ACAD10: variants seen among roughly 807,000 people sequenced by gnomAD.
The protein encoded by ACAD10 is acyl-CoA dehydrogenase family member 10, also known as ACAD-10.
A neutral mutation model predicts 116.8 loss-of-function variants in ACAD10; 112 were observed. That is an observed-to-expected ratio of 0.96 (90% CI 0.82 to 1.12). The LOEUF is 1.12. ACAD10 is among the 50% of genes most tolerant of loss of function. The probability of loss-of-function intolerance (pLI) is 0.00; values close to 1 mark genes in which losing one functional copy is unlikely to be tolerated. For missense variants in ACAD10, 1,259 were observed against 1,350.2 expected, an observed-to-expected ratio of 0.93 and a Z score of 1.06; for synonymous variants, 486 against 510.6, an observed-to-expected ratio of 0.95 and a Z score of 0.65.
In ACAD10 at chr12:111,692,769, C is replaced by T. The variant is rs1427353550; in HGVS notation, c.60C>T (p.Phe20=). ...PRLQWVWRTA[F]LKHTQRRHQG... ...TCCAGTGGGTGTGGAGAACAGCCTT[C>T]CTGAAACACACCCAGCGCAGGCACC... is the stretch of plus-strand genomic sequence containing the variant. The change falls in exon 2 of 21, where the codon TTC becomes TTT. Residue 20 remains phenylalanine, a synonymous_variant. Transcript: ENST00000313698. 1.2e-6 allele frequency: 2 copies of T among 1,614,060 alleles called. No homozygotes were observed. The highest frequency in any genetic ancestry group is 1.3e-5 in the African/African-American group (1 of 74,932).
intron 8 of ACAD10, among the ~76,000 whole-genome samples, chr12:111,726,290 T>A (rs993444032): frequency 1.3e-5 from 2 of 151,844 alleles, no homozygotes; most frequent in African/African-American, 4.8e-5. Flanking sequence ...TAGTAAACTG[T>A]TTGCTAGTAA....
At chr12:111,716,003 C>A (rs368167631) in intron 7 of ACAD10, 41 bp downstream of exon 7, 3 of 1,612,306 alleles carry the variant, frequency 1.9e-6, no homozygotes, top group Non-Finnish European at 2.5e-6. Context: ...CCACTAGCCT[C>A]CACTGTGCAC....
Position 111,698,483 on chromosome 12 carries a change from C to CT in ACAD10, c.188-3668dup, listed in dbSNP as rs796227879. 9.9e-3 allele frequency among the ~76,000 whole-genome samples: 1,393 copies of CT among 140,038 alleles called. 23 individuals carry two copies. The highest frequency in any genetic ancestry group is 0.034 in the African/African-American group (1,282 of 38,222). 91.9% of individuals were successfully genotyped at this position (140,038 alleles called of 152,430 possible). A position where few individuals can be genotyped will look rare whatever the true frequency, so the allele number is the denominator to read the frequency against. ...CTTTTCTTGTTGATTTTCAGTAAAC[C>CT]TTTTTTTTTTTGAGACAGACTTTTG... On this transcript the variant is annotated intron_variant, in intron 2 of 20. Coordinates refer to ENST00000313698, the MANE Select transcript of ACAD10 (RefSeq NM_025247.6).
intron 8 of ACAD10, 137 bp downstream of exon 8, chr12:111,721,876 C>G: frequency 1.9e-6 from 1 of 534,094 alleles, no homozygotes; most frequent in East Asian, 3.0e-5. Flanking sequence ...CAACCTCTCC[C>G]AGAAGTTCTC....
chr12:111,737,094 G>C (rs978329611), intron 12 of ACAD10, 90 bp downstream of exon 12: 1 of 1,314,888 alleles, frequency 7.6e-7, no homozygotes, highest in Non-Finnish European at 1.0e-6. Flanking sequence ...GGGCCACAGA[G>C]GCTTTGGAGA....
intron 16 of ACAD10, chr12:111,747,740 A>G: frequency 9.1e-7 from 1 of 1,096,596 alleles, no homozygotes. Context: ...GTTACATCCT[A>G]AGGGCTAATG....
chr12:111,695,740 G>A (rs1418593374), intron 2 of ACAD10, among the ~76,000 whole-genome samples: 2 of 152,118 alleles, frequency 1.3e-5, no homozygotes, highest in Admixed American at 1.3e-4. Context: ...TTGGCCAGGT[G>A]CGGTGGCTCA....
intron 18 of ACAD10, chr12:111,753,472 G>C: frequency 1.7e-6 from 1 of 601,358 alleles, no homozygotes; most frequent in Non-Finnish European, 3.1e-6. Flanking sequence ...CTGGTAGCCA[G>C]GCCTGCCCAG....
At chr12:111,710,377 C>T (rs1230140563) in intron 5 of ACAD10, 2 of 407,624 alleles carry the variant, frequency 4.9e-6, no homozygotes, top group Non-Finnish European at 9.9e-6. Flanking sequence ...TGTGAGCCAC[C>T]ATGCCTGGCT....
At chr12:111,724,904 C>T (rs1254411681) in intron 8 of ACAD10, among the ~76,000 whole-genome samples, 6 of 149,766 alleles carry the variant, frequency 4.0e-5, no homozygotes, top group Non-Finnish European at 7.4e-5. Flanking sequence ...AGAGGGAGAC[C>T]GTGGGGAGAG....
At chr12:111,710,604 C>T (rs1888649024) in intron 5 of ACAD10, among the ~76,000 whole-genome samples, 1 of 151,908 alleles carries the variant, frequency 6.6e-6, no homozygotes, top group Middle Eastern at 3.4e-3. Flanking sequence ...AAGCAATTCT[C>T]GTGTGTCAGC....
In ACAD10 at chr12:111,692,806, C is replaced by T. The variant is rs148699934; in HGVS notation, c.97C>T (p.Arg33Ter). 365 of 1,614,190 alleles carry T rather than the reference C, an allele frequency of 2.3e-4. 2 individuals are homozygous for T. The East Asian group carries it at 4.4e-3, about 19-fold the overall frequency. ...HTQRRHQGSHRWTHLGGSTYR... is the reference protein window; with the variant it reads ...HTQRRHQGSH ...CCAGCGCAGGCACCAGGGGTCCCAC[C>T]GATGGACACACCTTGGAGGCAGCAC... The change falls in exon 2 of 21, where the codon CGA (arginine) becomes TGA (stop). Residue 33 changes from arginine (R) to a stop codon, truncating the protein, a stop_gained. Transcript: ENST00000313698. LOFTEE classifies it high-confidence loss of function.
At position 111,747,190 on chromosome 12, in the gene ACAD10, C is replaced by T. The variant is rs778271829; in HGVS notation, c.2394+4C>T. 15 of 1,608,282 alleles carry T rather than the reference C, an allele frequency of 9.3e-6. No individual in the cohort carries two copies. The highest frequency in any genetic ancestry group is 2.7e-5 in the African/African-American group (2 of 74,836). On this transcript the variant is annotated splice_donor_region_variant and intron_variant, in intron 15 of 20. Coordinates refer to ENST00000313698, the MANE Select transcript of ACAD10 (RefSeq NM_025247.6). ...TTTTGCTATGACCGAGCCCCAGGTACGTCGCCTGGGCTGCCACCCACTTGC... is the reference window on the plus strand; with the variant it reads ...TTTTGCTATGACCGAGCCCCAGGTATGTCGCCTGGGCTGCCACCCACTTGC...
rs73420452 is a variant in ACAD10 at position 111,737,052 on chromosome 12, A to G, written c.1714+48A>G. On this transcript the variant is annotated intron_variant, in intron 12 of 20. Coordinates refer to ENST00000313698, the MANE Select transcript of ACAD10 (RefSeq NM_025247.6). ...GAGCCACTGCGGGGTGAGTCACAGCAAGGACCGTGCCTCCACCTGGAAACC... is the reference window on the plus strand; with the variant it reads ...GAGCCACTGCGGGGTGAGTCACAGCGAGGACCGTGCCTCCACCTGGAAACC... 591 of 1,587,698 alleles carry G rather than the reference A, an allele frequency of 3.7e-4. 1 individual carries two copies. The African/African-American group carries it at 5.9e-3, about 16-fold the overall frequency.
chr12:111,728,329 A>G (rs1281839385), intron 9 of ACAD10, among the ~76,000 whole-genome samples, 186 bp downstream of exon 9: 1 of 152,004 alleles, frequency 6.6e-6, no homozygotes, highest in African/African-American at 2.4e-5. Flanking sequence ...TGGGCCTTCA[A>G]TAAATCCCTT....
At chr12:111,715,247 G>A (rs570300878) in intron 6 of ACAD10, among the ~76,000 whole-genome samples, 4 of 152,228 alleles carry the variant, frequency 2.6e-5, no homozygotes, top group Non-Finnish European at 4.4e-5. Flanking sequence ...GTCTTCTTAT[G>A]GAGCTGAGAA....
chr12:111,699,536 T>C (rs942076646), intron 2 of ACAD10, among the ~76,000 whole-genome samples: 8 of 152,196 alleles, frequency 5.3e-5, no homozygotes, highest in Non-Finnish European at 1.0e-4. Context: ...CATAGCTTTT[T>C]TTTGACTCAG....
Position 111,729,459 on chromosome 12 carries a change from G to C in ACAD10, c.1244-347G>C, listed in dbSNP as rs758785541. Among the ~76,000 whole-genome samples the C allele has an allele frequency of 2.6e-5, 4 of 152,048 alleles. No homozygotes were observed. In the South Asian group the frequency reaches 8.3e-4, roughly 32 times the overall value. ...TCGCCATGTTGGACAGGCCAGTCTC[G>C]AACTCCTGACCTCCTGCCTGCGTTG... On this transcript the variant is annotated intron_variant, in intron 9 of 20. Transcript: ENST00000313698.
intron 8 of ACAD10, among the ~76,000 whole-genome samples, chr12:111,723,947 C>T (rs866354558): frequency 0.014 from 2,023 of 147,384 alleles, 63 homozygotes; most frequent in African/African-American, 0.048. Context: ...ACATCCCAGA[C>T]GGGGCGGCGG....
Sources: allele counts gnomAD v4.1 joint callset (sites outside exome capture counted in the v4.1 genomes callset), GRCh38; gene constraint gnomAD v4.1.1; transcripts MANE v1.5; gene names NCBI Gene and HGNC (gene_info 2026-07-23, HGNC 2026-07-21).